The following WASHC4 variants were observed in gnomAD, a reference collection of about 807,000 sequenced individuals.
The protein encoded by WASHC4 is WASH complex subunit 7.
Under a neutral mutation model 166.6 loss-of-function variants are expected in WASHC4, and 86 were observed. That is an observed-to-expected ratio of 0.52 (90% CI 0.43 to 0.62). The LOEUF (loss-of-function observed/expected upper bound fraction) is 0.62, where lower values mean the gene tolerates loss of function less well. Ranked by LOEUF, WASHC4 falls within the 20% of genes least tolerant of loss-of-function variation. The pLI, the probability that WASHC4 is intolerant of heterozygous loss-of-function variation, is 0.00. For missense variants in WASHC4, 1,262 were observed against 1,382.4 expected (o/e 0.91, Z 1.38); for synonymous variants, 446 against 451.6 (o/e 0.99, Z 0.16).
rs896644507 is a variant in WASHC4 at position 105,107,732 on chromosome 12, G to A, written c.-69G>A. On this transcript the variant is annotated 5_prime_UTR_variant, in exon 1 of 33. Transcript: ENST00000332180. ...GGGCCGGAAGTCACGTGCTGTGACA[G>A]TAGCTGGGGTGAGGCCGTCGTCGCC... The A allele has an allele frequency of 1.8e-4, 211 of 1,179,712 alleles. No homozygotes were observed. The highest frequency in any genetic ancestry group is 2.5e-4 in the Non-Finnish European group (208 of 818,972). The allele number at this position is 1,179,712 out of a possible 1,614,324, so 73.1% of individuals were successfully genotyped here.
intron 14 of WASHC4, among the ~76,000 whole-genome samples, chr12:105,134,456 C>A (rs778852835): frequency 5.3e-5 from 8 of 152,058 alleles, no homozygotes; most frequent in Non-Finnish European, 8.8e-5. Context: ...GAATTTCCCA[C>A]TATTGTGGAT....
intron 19 of WASHC4, 103 bp downstream of exon 19, chr12:105,142,661 T>C (rs537820605): frequency 1.4e-6 from 1 of 698,772 alleles, no homozygotes; most frequent in Admixed American, 2.2e-5. Flanking sequence ...ACTTTTAAAA[T>C]TGACTGTTTT....
chr12:105,126,125 T>A lies in WASHC4; in HGVS notation c.908T>A (p.Leu303His). The A allele has an allele frequency of 6.2e-7, 1 of 1,613,022 alleles. No individual in the cohort carries two copies. Among genetic ancestry groups the A allele is most frequent in the Non-Finnish European group, 8.5e-7 (1 of 1,179,328 alleles). Residue 303 changes from leucine (L) to histidine (H), a missense_variant and splice_region_variant, in exon 11 of 33, where the codon CTT becomes CAT. By Grantham distance (99) the Leu-to-His change is moderately conservative. Coordinates refer to ENST00000332180, the MANE Select transcript of WASHC4 (RefSeq NM_015275.3). ...RSIFANVEAK[L>H]GEPSEIDQRD... ...ATTTTTGCAAATGTAGAAGCCAAAC[T>A]TGGTAATGTAAATCGCATTTTTTGG...
chr12:105,132,935 G>A lies in WASHC4; in HGVS notation c.1200-835G>A, dbSNP rs931426932. 2.5e-4 allele frequency among the ~76,000 whole-genome samples: 38 copies of A among 151,974 alleles called. 1 individual carries two copies. Among genetic ancestry groups the A allele is most frequent in the African/African-American group, 8.7e-4 (36 of 41,336 alleles). The stretch of plus-strand genomic sequence containing the variant: ...CACTGTTCCTATTCTGGTTCAGGCT[G>A]TCATCCTCTTTCTTCTGCATTATTA... On this transcript the variant is annotated intron_variant, in intron 13 of 32. Transcript: ENST00000332180.
In WASHC4 at chr12:105,146,517, CA is replaced by C. The variant is rs1457243020; in HGVS notation, c.2402del (p.Asn801ThrfsTer15). ...IFVSRYLYNL[N>X]NQIFIERTSN... ...TTGTGTCCCGATACCTCTATAATCT[CA>C]ACAATCAGGTGAGTAGGGTTTATAA... On this transcript the variant is annotated frameshift_variant, in exon 23 of 33. Coordinates refer to ENST00000332180, the MANE Select transcript of WASHC4 (RefSeq NM_015275.3). LOFTEE classifies it high-confidence loss of function. The C allele has an allele frequency of 4.4e-6, 7 of 1,590,158 alleles. No individual in the cohort carries two copies. The highest frequency in any genetic ancestry group is 6.0e-6 in the Non-Finnish European group (7 of 1,160,574).
At chr12:105,131,364 G>A (rs950114271) in intron 13 of WASHC4, among the ~76,000 whole-genome samples, 2 of 152,132 alleles carry the variant, frequency 1.3e-5, no homozygotes, top group African/African-American at 4.8e-5. Flanking sequence ...GGGATTACAG[G>A]CGTGAGCCAC....
intron 15 of WASHC4, among the ~76,000 whole-genome samples, chr12:105,139,621 C>T (rs1381595966): frequency 6.6e-6 from 1 of 151,054 alleles, no homozygotes; most frequent in Non-Finnish European, 1.5e-5. Flanking sequence ...GGTAAATATC[C>T]TTTCAATTAT....
intron 24 of WASHC4, chr12:105,148,015 G>A (rs1883453530): frequency 2.0e-6 from 2 of 985,252 alleles, no homozygotes; most frequent in Non-Finnish European, 2.4e-6. Flanking sequence ...GAATTTACCT[G>A]GTTTTCAGAG....
intron 28 of WASHC4, 30 bp from the exon 29 acceptor site, chr12:105,159,971 A>C: frequency 6.2e-7 from 1 of 1,610,004 alleles, no homozygotes; most frequent in South Asian, 1.1e-5. Context: ...TTCTTTTGAG[A>C]AAGGAACCAA....
Position 105,157,310 on chromosome 12 carries a change from T to C in WASHC4, c.2900T>C (p.Leu967Ser). ...GAAGAAGGTCTTGCAGAAGAAACAT[T>C]AAAAGCAGCAAGGTAATCTAAATTT... is the stretch of plus-strand genomic sequence containing the variant. ...VKEEGLAEETLKAARHLDSVL... is the reference protein window; with the variant it reads ...VKEEGLAEETSKAARHLDSVL... Residue 967 changes from leucine (L) to serine (S), a missense_variant, in exon 28 of 33, where the codon TTA becomes TCA. Physicochemically the swap from Leu to Ser is moderately radical, Grantham distance 145 (BLOSUM62 -2). Transcript: ENST00000332180. 6.5e-7 allele frequency: 1 copy of C among 1,537,594 alleles called. No individual in the cohort carries two copies. Among genetic ancestry groups the C allele is most frequent in the African/African-American group, 1.4e-5 (1 of 73,556 alleles).
chr12:105,112,296 A>G (rs1879768716), intron 2 of WASHC4, among the ~76,000 whole-genome samples: 1 of 152,228 alleles, frequency 6.6e-6, no homozygotes, highest in Non-Finnish European at 1.5e-5. Context: ...TTATTTATCC[A>G]TTCATCAGTT....
intron 2 of WASHC4, among the ~76,000 whole-genome samples, chr12:105,113,155 A>G (rs1879848300): frequency 1.3e-5 from 2 of 152,084 alleles, no homozygotes; most frequent in Non-Finnish European, 2.9e-5. Flanking sequence ...GGAAACTGTC[A>G]TTCTCAACCT....
chr12:105,141,334 T>G (rs928090591), intron 18 of WASHC4, 88 bp downstream of exon 18: 6 of 971,440 alleles, frequency 6.2e-6, no homozygotes, highest in Middle Eastern at 5.4e-4. Flanking sequence ...AGAGAAGAAA[T>G]AAAATTCAGA....
chr12:105,151,876 A>G (rs1883800830), intron 25 of WASHC4, among the ~76,000 whole-genome samples: 1 of 152,218 alleles, frequency 6.6e-6, no homozygotes, highest in Admixed American at 6.5e-5. Context: ...AAAATGAATA[A>G]TTTCCTAAAT....
intron 6 of WASHC4, 118 bp from the exon 7 acceptor site, chr12:105,118,328 C>A: frequency 1.3e-6 from 1 of 766,574 alleles, no homozygotes; most frequent in Non-Finnish European, 2.3e-6. Context: ...TTTTGGTTAA[C>A]TGGAGGCTTT....
Position 105,132,316 on chromosome 12 carries a change from C to T in WASHC4, c.1200-1454C>T, listed in dbSNP as rs147622700. On this transcript the variant is annotated intron_variant, in intron 13 of 32. Coordinates refer to ENST00000332180, the MANE Select transcript of WASHC4 (RefSeq NM_015275.3). ...CCTCCGGAGTAGCTGAGACTACAAG[C>T]GTGTGCCACCACACCCAGCTAATTT... is the stretch of plus-strand genomic sequence containing the variant. Among the ~76,000 whole-genome samples, 437 of 152,232 alleles carry T rather than the reference C, an allele frequency of 2.9e-3. 18 individuals carry two copies. In the East Asian group the frequency reaches 0.072, roughly 25 times the overall value.
intron 26 of WASHC4, 43 bp downstream of exon 26, chr12:105,152,494 T>TA (rs1177880729): frequency 9.6e-7 from 1 of 1,038,210 alleles, no homozygotes; most frequent in Admixed American, 1.7e-5. Context: ...TACAGATCCC[T>TA]ACAGTCTATC....
intron 15 of WASHC4, among the ~76,000 whole-genome samples, chr12:105,139,390 T>G (rs1017791906): frequency 7.0e-6 from 1 of 142,074 alleles, no homozygotes; most frequent in Non-Finnish European, 1.5e-5. Context: ...TGATGTCACA[T>G]TGTCTCTATA....
chr12:105,128,086 T>C (rs1011145899), intron 13 of WASHC4, among the ~76,000 whole-genome samples: 6 of 152,180 alleles, frequency 3.9e-5, no homozygotes, highest in African/African-American at 1.2e-4. Context: ...GTTTGTGATA[T>C]GGCTAAAGAT....
Sources: gnomAD v4.1 joint callset for allele counts (sites outside exome capture counted in the v4.1 genomes callset) on GRCh38, gnomAD v4.1.1 for gene constraint, MANE v1.5 for transcripts, NCBI Gene and HGNC (gene_info 2026-07-23, HGNC 2026-07-21) for gene names.